PLEKHM3: variants seen among roughly 807,000 people sequenced by gnomAD.
PLEKHM3 encodes pleckstrin homology domain-containing family M member 3.
A neutral mutation model predicts 81.8 loss-of-function variants in PLEKHM3; 45 were observed. The observed-to-expected ratio is 0.55, with a 90% CI of 0.43 to 0.71. PLEKHM3 has a LOEUF of 0.71. Ranked by LOEUF, PLEKHM3 falls within the 30% of genes least tolerant of loss-of-function variation. The pLI, the probability that PLEKHM3 is intolerant of heterozygous loss-of-function variation, is 0.00. For missense variants in PLEKHM3, 788 were observed against 924.3 expected (o/e 0.85, Z 1.91); for synonymous variants, 352 against 356.4 (o/e 0.99, Z 0.14).
At chr2:207,890,526 G>T (rs1344420339) in intron 6 of PLEKHM3, among the ~76,000 whole-genome samples, 1 of 152,172 alleles carries the variant, frequency 6.6e-6, no homozygotes, top group Non-Finnish European at 1.5e-5. Flanking sequence ...TACTTGGGAG[G>T]CTGAGGCACG....
Position 207,924,265 on chromosome 2 carries a change from G to C in PLEKHM3, c.1886+6661C>G, listed in dbSNP as rs116134662. ...AATTTGAAGTGGGGATGTCCAGTACGCAGCTGGACATAACAAACTAGTGAG... is the reference window on the plus strand; with the variant it reads ...AATTTGAAGTGGGGATGTCCAGTACCCAGCTGGACATAACAAACTAGTGAG... On this transcript the variant is annotated intron_variant, in intron 5 of 7. Transcript: ENST00000427836. 5.9e-3 allele frequency among the ~76,000 whole-genome samples: 902 copies of C among 152,174 alleles called. 2 individuals are homozygous for C. Among genetic ancestry groups the C allele is most frequent in the African/African-American group, 0.021 (864 of 41,514 alleles).
intron 1 of PLEKHM3, among the ~76,000 whole-genome samples, chr2:208,007,953 T>TGAGGCAGGAGAATGGCGTGAACCCGG (rs1365251918): frequency 4.6e-5 from 7 of 152,230 alleles, no homozygotes; most frequent in Non-Finnish European, 7.4e-5. Context: ...CTCGGGAGGC[T>TGAGGCAGGAGAATGGCGTGAACCCGG]GAGGCAGGAG....
rs1395206587 is a variant in PLEKHM3, at chr2:207,827,611, TTCTTC to T, written c.*703_*707del. 6.6e-6 allele frequency: 1 copy of T among 152,138 alleles called. No homozygotes were observed. Among genetic ancestry groups the T allele is most frequent in the Non-Finnish European group, 1.5e-5 (1 of 68,034 alleles). 9.4% of individuals were successfully genotyped at this position (152,138 alleles called of 1,614,324 possible). A position where few individuals can be genotyped will look rare whatever the true frequency, so the allele number is the denominator to read the frequency against. ...ACACGCAGTTATTGGTCGCAGAGGT[TTCTTC>T]TCTTCTCAGGAAAAAAACTTCTGAG... On this transcript the variant is annotated 3_prime_UTR_variant, in exon 8 of 8. Transcript: ENST00000427836.
At chr2:207,939,697 GAGTA>G (rs771415867) in intron 4 of PLEKHM3, among the ~76,000 whole-genome samples, 1 of 152,176 alleles carries the variant, frequency 6.6e-6, no homozygotes, top group Non-Finnish European at 1.5e-5. Context: ...GACTGAGAGA[GAGTA>G]AGAAACTTAC....
intron 4 of PLEKHM3, among the ~76,000 whole-genome samples, chr2:207,944,842 A>T (rs1690069236): frequency 6.6e-6 from 1 of 152,218 alleles, no homozygotes; most frequent in African/African-American, 2.4e-5. Context: ...TGGATAGTTT[A>T]CACCAGCATA....
intron 5 of PLEKHM3, among the ~76,000 whole-genome samples, chr2:207,916,874 T>G (rs1464515522): frequency 1.3e-5 from 2 of 152,330 alleles, no homozygotes; most frequent in Admixed American, 6.5e-5. Flanking sequence ...ATGTATGTAG[T>G]TTAGTAAAAT....
Position 207,827,802 on chromosome 2 carries a change from G to A in PLEKHM3, c.*517C>T, listed in dbSNP as rs1194955567. 1 of 152,226 alleles carries A rather than the reference G, an allele frequency of 6.6e-6. No homozygotes were observed. The highest frequency in any genetic ancestry group is 2.4e-5 in the African/African-American group (1 of 41,446). The allele number at this position is 152,226 out of a possible 1,614,324, so 9.4% of individuals were successfully genotyped here. A position where few individuals can be genotyped will look rare whatever the true frequency, so the allele number is the denominator to read the frequency against. On this transcript the variant is annotated 3_prime_UTR_variant, in exon 8 of 8. Coordinates refer to ENST00000427836, the MANE Select transcript of PLEKHM3 (RefSeq NM_001080475.3). Reference sequence around the variant, plus strand: ...GGAGCGCCACGGACACCAGGTCCTGGAAGGACCCAGCAGTCTCTTGTGTTT... The same window carrying A: ...GGAGCGCCACGGACACCAGGTCCTGAAAGGACCCAGCAGTCTCTTGTGTTT...
At chr2:207,912,444 A>T (rs1688838670) in intron 5 of PLEKHM3, among the ~76,000 whole-genome samples, 1 of 152,232 alleles carries the variant, frequency 6.6e-6, no homozygotes, top group African/African-American at 2.4e-5. Context: ...GTCATAACAG[A>T]CACAAAGAAC....
chr2:207,960,367 C>T (rs1485548209), intron 3 of PLEKHM3, among the ~76,000 whole-genome samples: 1 of 152,132 alleles, frequency 6.6e-6, no homozygotes, highest in Non-Finnish European at 1.5e-5. Context: ...TTTCTGTCTG[C>T]TGTGATAAGA....
chr2:207,855,147 G>T (rs1012113396), intron 7 of PLEKHM3, among the ~76,000 whole-genome samples: 5 of 152,080 alleles, frequency 3.3e-5, no homozygotes, highest in Non-Finnish European at 5.9e-5. Flanking sequence ...CTAGGATTAG[G>T]GCAGGAAATA....
chr2:207,919,260 G>A (rs891631241), intron 5 of PLEKHM3, among the ~76,000 whole-genome samples: 3 of 152,194 alleles, frequency 2.0e-5, no homozygotes, highest in African/African-American at 7.2e-5. Context: ...CAACAAAAAG[G>A]CCAGTGTGAC....
At chr2:207,959,168 C>G (rs1690640660) in intron 3 of PLEKHM3, among the ~76,000 whole-genome samples, 1 of 152,080 alleles carries the variant, frequency 6.6e-6, no homozygotes, top group Non-Finnish European at 1.5e-5. Flanking sequence ...ATTCTGTACC[C>G]AAAGCACATG....
At chr2:207,988,935 TC>T (rs1283508327) in intron 2 of PLEKHM3, among the ~76,000 whole-genome samples, 1 of 152,198 alleles carries the variant, frequency 6.6e-6, no homozygotes, top group Non-Finnish European at 1.5e-5. Flanking sequence ...GGGGCTTCTC[TC>T]CCCAGCTCCA....
intron 1 of PLEKHM3, among the ~76,000 whole-genome samples, chr2:208,021,209 C>T (rs1693119464): frequency 6.6e-6 from 1 of 152,190 alleles, no homozygotes; most frequent in African/African-American, 2.4e-5. Context: ...CCTAATCAGG[C>T]ACCATTTTTT....
chr2:207,895,668 G>A (rs997287287), intron 6 of PLEKHM3, among the ~76,000 whole-genome samples: 3 of 152,140 alleles, frequency 2.0e-5, no homozygotes, highest in Non-Finnish European at 4.4e-5. Context: ...AAACACAAAT[G>A]CCAACTCACA....
chr2:207,904,675 C>T (rs971259806), intron 6 of PLEKHM3, among the ~76,000 whole-genome samples: 2 of 152,164 alleles, frequency 1.3e-5, no homozygotes, highest in African/African-American at 2.4e-5. Context: ...TCAATCCTTG[C>T]TATTTCTTTC....
In PLEKHM3 at chr2:207,977,524, C is replaced by A; in HGVS notation, c.673G>T (p.Asp225Tyr). The A allele has an allele frequency of 1.2e-6, 2 of 1,614,042 alleles. 1 individual carries two copies. The highest frequency in any genetic ancestry group is 2.2e-5 in the South Asian group (2 of 91,040). ...GCATAACAGCTTTGCCAGTAACTGTCATGGTCCTTTCTAATCTCCAGGTAA... is the reference window on the plus strand; with the variant it reads ...GCATAACAGCTTTGCCAGTAACTGTAATGGTCCTTTCTAATCTCCAGGTAA... ...KGYLEIRKDH[D>Y]SYWQSCYAEL... Residue 225 changes from aspartate to tyrosine, a missense_variant, in exon 3 of 8, where the codon GAC becomes TAC. Coordinates refer to ENST00000427836, the MANE Select transcript of PLEKHM3 (RefSeq NM_001080475.3).
chr2:207,962,333 T>C (rs62190860), intron 3 of PLEKHM3, among the ~76,000 whole-genome samples: 73,640 of 152,062 alleles, frequency 0.48, 21,625 homozygotes, highest in Non-Finnish European at 0.65. Flanking sequence ...AGCTTCCTCA[T>C]TGATGATCAT....
At chr2:207,837,283 G>C (rs957956442) in intron 7 of PLEKHM3, among the ~76,000 whole-genome samples, 8 of 152,074 alleles carry the variant, frequency 5.3e-5, no homozygotes, top group African/African-American at 9.7e-5. Flanking sequence ...ACATTCTAAG[G>C]TAAAATGAAT....
Sources: gnomAD v4.1 joint callset for allele counts (sites outside exome capture counted in the v4.1 genomes callset) on GRCh38, gnomAD v4.1.1 for gene constraint, MANE v1.5 for transcripts, NCBI Gene and HGNC (gene_info 2026-07-23, HGNC 2026-07-21) for gene names.